ZNF540: variants seen among roughly 807,000 people sequenced by gnomAD.
The protein encoded by ZNF540 is CTD-3064H18.6.
ZNF540 carries 3 observed loss-of-function variants against 11.8 expected under a neutral mutation model. That is an observed-to-expected ratio of 0.25 (90% CI 0.12 to 0.65). The LOEUF is 0.65. Ranked by LOEUF, ZNF540 falls within the 30% of genes least tolerant of loss-of-function variation. The pLI, the probability that ZNF540 is intolerant of heterozygous loss-of-function variation, is 0.83. For synonymous variants in ZNF540, 247 were observed against 259.0 expected, an observed-to-expected ratio of 0.95 and a Z score of 0.45; for missense variants, 709 against 793.1, an observed-to-expected ratio of 0.89 and a Z score of 1.27.
At chr19:37,553,116 T>G (rs1332178395) in intron 1 of ZNF540, among the ~76,000 whole-genome samples, 1 of 8,836 alleles carries the variant, frequency 1.1e-4, no homozygotes. Flanking sequence ...CTAACATCTT[T>G]TTTTTTTTTT....
At chr19:37,561,048 CAAAAAAAAAAAAA>C (rs199892724) in intron 1 of ZNF540, among the ~76,000 whole-genome samples, 73 of 73,774 alleles carry the variant, frequency 9.9e-4, no homozygotes, top group Admixed American at 1.7e-3. Flanking sequence ...CCTGTCTCTA[CAAAAAAAAAAAAA>C]AAAAAAAAAA....
At chr19:37,582,723 AT>A (rs771355467) in intron 1 of ZNF540, among the ~76,000 whole-genome samples, 4 of 152,182 alleles carry the variant, frequency 2.6e-5, no homozygotes, top group Non-Finnish European at 4.4e-5. Flanking sequence ...AATCTTCAAA[AT>A]AACTCCATTA....
intron 3 of ZNF540, 134 bp downstream of exon 3, chr19:37,599,886 G>C: frequency 2.0e-6 from 2 of 982,222 alleles, no homozygotes; most frequent in Non-Finnish European, 2.9e-6. Flanking sequence ...ACTGAACTTT[G>C]ATGGTTTGTG....
intron 1 of ZNF540, chr19:37,565,878 G>A (rs1284959181): frequency 6.2e-7 from 1 of 1,613,834 alleles, no homozygotes; most frequent in South Asian, 1.1e-5. Flanking sequence ...CTCTGATGTT[G>A]AATATAGCTT....
At chr19:37,573,893 C>T (rs1179956281) in intron 1 of ZNF540, among the ~76,000 whole-genome samples, 1 of 151,820 alleles carries the variant, frequency 6.6e-6, no homozygotes, top group Non-Finnish European at 1.5e-5. Context: ...GCTGCTATTA[C>T]TACTTTATTC....
chr19:37,576,338 G>A (rs932832402), intron 1 of ZNF540, among the ~76,000 whole-genome samples: 1 of 151,966 alleles, frequency 6.6e-6, no homozygotes, highest in Non-Finnish European at 1.5e-5. Flanking sequence ...TTTGGTCCTG[G>A]CCTCTTTATT....
chr19:37,557,886 C>A (rs989514250), intron 1 of ZNF540, among the ~76,000 whole-genome samples: 4 of 150,376 alleles, frequency 2.7e-5, no homozygotes, highest in Admixed American at 6.7e-5. Flanking sequence ...CTTGCTGTAG[C>A]GGCTACTGCT....
rs1018655552 is a variant in ZNF540 at position 37,603,091 on chromosome 19, T to C, written c.232+1986T>C. On this transcript the variant is annotated intron_variant, in intron 4 of 4. Transcript: ENST00000316433. Reference sequence around the variant, plus strand: ...GGCATGATCTCGGCTCACTGCAACCTCCACCTCCCGGGTTCAAGCAATTCC... The same window carrying C: ...GGCATGATCTCGGCTCACTGCAACCCCCACCTCCCGGGTTCAAGCAATTCC... Among the ~76,000 whole-genome samples the C allele has an allele frequency of 5.8e-5, 8 of 137,142 alleles. No individual in the cohort carries two copies. The East Asian group carries it at 2.1e-3, about 35-fold the overall frequency. 90.0% of individuals were successfully genotyped at this position (137,142 alleles called of 152,430 possible). A position where few individuals can be genotyped will look rare whatever the true frequency, so the allele number is the denominator to read the frequency against.
Position 37,614,130 on chromosome 19 carries a change from A to G in ZNF540, c.*867A>G. On this transcript the variant is annotated 3_prime_UTR_variant, in exon 5 of 5. Transcript: ENST00000316433. Reference sequence around the variant, plus strand: ...TCTACGATATTTTGTTATGCAGCCCAGATAACTAAGGCACTCCATTAGAAT... The same window carrying G: ...TCTACGATATTTTGTTATGCAGCCCGGATAACTAAGGCACTCCATTAGAAT... The G allele has an allele frequency of 2.9e-6, 1 of 350,444 alleles. No homozygotes were observed. The highest frequency in any genetic ancestry group is 5.1e-6 in the Non-Finnish European group (1 of 197,002). 21.7% of individuals were successfully genotyped at this position (350,444 alleles called of 1,614,324 possible).
chr19:37,591,187 C>T (rs894192903), upstream of ZNF540, among the ~76,000 whole-genome samples: 18 of 152,170 alleles, frequency 1.2e-4, no homozygotes, highest in African/African-American at 4.1e-4. Flanking sequence ...GGTCACTGTA[C>T]ACTGTATACC....
chr19:37,594,715 G>C (rs902161940), upstream of ZNF540: 1 of 152,278 alleles, frequency 6.6e-6, no homozygotes, highest in Admixed American at 6.5e-5. Context: ...AGCTGCGAGC[G>C]GTTCCCGGTG....
Position 37,564,676 on chromosome 19 carries a change from T to C in ZNF540, c.-73+13011T>C, listed in dbSNP as rs142122989. 988 of 1,613,272 alleles carry C rather than the reference T, an allele frequency of 6.1e-4. 9 individuals are homozygous for C. In the South Asian group the frequency reaches 8.5e-3, roughly 14 times the overall value. On this transcript the variant is annotated intron_variant, in intron 1 of 4. Coordinates refer to the ZNF540 transcript ENST00000592533. ...TACCACACTGGACACATGTATAGGG[T>C]TTCTCACCAGTATGGATCCTTTGAT... is the stretch of plus-strand genomic sequence containing the variant.
At chr19:37,564,473 G>T in intron 1 of ZNF540, 1 of 763,700 alleles carries the variant, frequency 1.3e-6, no homozygotes, top group East Asian at 2.9e-5. Flanking sequence ...AAATTATTCT[G>T]CATCCATGTT....
chr19:37,567,810 T>C (rs2042913424), intron 1 of ZNF540: 2 of 152,206 alleles, frequency 1.3e-5, no homozygotes, highest in South Asian at 4.1e-4. Flanking sequence ...AATTCTAAAA[T>C]TTCATTTATT....
intron 1 of ZNF540, among the ~76,000 whole-genome samples, chr19:37,588,850 C>A (rs1480235781): frequency 6.6e-6 from 1 of 151,896 alleles, no homozygotes; most frequent in Non-Finnish European, 1.5e-5. Flanking sequence ...AATTGGAACC[C>A]CATTTTATAA....
intron 1 of ZNF540, among the ~76,000 whole-genome samples, chr19:37,574,827 C>T (rs1463183676): frequency 1.3e-5 from 2 of 152,156 alleles, no homozygotes; most frequent in Non-Finnish European, 2.9e-5. Context: ...TCTAATTTCC[C>T]AGAGTAATCT....
intron 4 of ZNF540, among the ~76,000 whole-genome samples, chr19:37,608,713 C>T (rs1241784314): frequency 6.6e-6 from 1 of 152,160 alleles, no homozygotes; most frequent in Admixed American, 6.5e-5. Flanking sequence ...ACCTGTGCCA[C>T]CTGATGGACC....
chr19:37,608,819 T>A (rs2044104860), intron 4 of ZNF540, among the ~76,000 whole-genome samples: 1 of 152,242 alleles, frequency 6.6e-6, no homozygotes, highest in Admixed American at 6.5e-5. Context: ...ATCATTAGGC[T>A]CTAATAAAAC....
At chr19:37,568,319 C>CT (rs1027947983) in intron 1 of ZNF540, among the ~76,000 whole-genome samples, 1 of 148,044 alleles carries the variant, frequency 6.8e-6, no homozygotes, top group African/African-American at 2.5e-5. Flanking sequence ...AAGCAACTAC[C>CT]CCCCCCCACT....
Sources: allele counts gnomAD v4.1 joint callset (sites outside exome capture counted in the v4.1 genomes callset), GRCh38; gene constraint gnomAD v4.1.1; transcripts MANE v1.5; gene names NCBI Gene and HGNC (gene_info 2026-07-23, HGNC 2026-07-21).